SFXN1: variants seen among roughly 807,000 people sequenced by gnomAD.
The protein encoded by SFXN1 is sideroflexin 1.
A neutral mutation model predicts 39.5 loss-of-function variants in SFXN1; 32 were observed. The ratio of observed to expected loss-of-function variants is 0.81; its 90% CI spans 0.61 to 1.09. The LOEUF (loss-of-function observed/expected upper bound fraction) is 1.09, where lower values mean the gene tolerates loss of function less well. Among genes scored for constraint, SFXN1 ranks in the 50% least tolerant of loss-of-function variants. The pLI is 0.00. For synonymous variants in SFXN1, 136 were observed against 146.5 expected, an observed-to-expected ratio of 0.93 and a Z score of 0.52; for missense variants, 402 against 407.1, an observed-to-expected ratio of 0.99 and a Z score of 0.11.
In SFXN1 at chr5:175,513,669, C is replaced by T. The variant is rs187448702; in HGVS notation, c.724+79C>T. The T allele has an allele frequency of 4.0e-5, 58 of 1,458,406 alleles. No individual in the cohort carries two copies. In the East Asian group the frequency reaches 1.3e-3, roughly 32 times the overall value. 90.3% of individuals were successfully genotyped at this position (1,458,406 alleles called of 1,614,324 possible). ...GGATCCGTGAACCAGAAAACAAACA[C>T]ATATATCACACCTCTTAGTGGAAAT... On this transcript the variant is annotated intron_variant, in intron 7 of 10. Transcript: ENST00000321442.
intron 7 of SFXN1, chr5:175,513,829 G>A: frequency 2.6e-6 from 1 of 389,918 alleles, no homozygotes; most frequent in Non-Finnish European, 4.9e-6. Flanking sequence ...GGGTGGAGGT[G>A]TGGGAGTGAG....
At chr5:175,493,392 A>T (rs1759735896) in intron 2 of SFXN1, among the ~76,000 whole-genome samples, 2 of 152,234 alleles carry the variant, frequency 1.3e-5, no homozygotes, top group South Asian at 4.1e-4. Flanking sequence ...CTTTGTGCCT[A>T]AACATGCCCA....
intron 1 of SFXN1, among the ~76,000 whole-genome samples, chr5:175,484,618 C>T (rs1759381465): frequency 6.6e-6 from 1 of 152,256 alleles, no homozygotes; most frequent in South Asian, 2.1e-4. Flanking sequence ...CATCTCGCTC[C>T]CTGAATAGAC....
rs185289226 is a variant in SFXN1 at position 175,502,766 on chromosome 5, G to A, written c.165-6266G>A. ...TGAGGCAGGAGAATCGCTTGAACCC[G>A]GGAAGCAAAGGTTGCGATGAGCCAA... On this transcript the variant is annotated intron_variant, in intron 2 of 10. Coordinates refer to ENST00000321442, the MANE Select transcript of SFXN1 (RefSeq NM_022754.7). Among the ~76,000 whole-genome samples, 79 of 152,122 alleles carry A rather than the reference G, an allele frequency of 5.2e-4. 1 individual carries two copies. Among genetic ancestry groups the A allele is most frequent in the African/African-American group, 1.8e-3 (75 of 41,522 alleles).
In SFXN1 at chr5:175,499,680, T is replaced by C. The variant is rs114570869; in HGVS notation, c.164+7413T>C. 3.3e-3 allele frequency among the ~76,000 whole-genome samples: 508 copies of C among 152,308 alleles called. 2 individuals are homozygous for C. The highest frequency in any genetic ancestry group is 5.8e-3 in the Non-Finnish European group (394 of 68,022). On this transcript the variant is annotated intron_variant, in intron 2 of 10. Coordinates refer to ENST00000321442, the MANE Select transcript of SFXN1 (RefSeq NM_022754.7). ...AACTACAAAAACCCTACGACTAACA[T>C]CAAACCTAATGGTGAAAGTATGAAT...
At chr5:175,503,649 G>A (rs970826159) in intron 2 of SFXN1, among the ~76,000 whole-genome samples, 9 of 152,148 alleles carry the variant, frequency 5.9e-5, no homozygotes, top group African/African-American at 2.2e-4. Context: ...CACATCAGTA[G>A]TGAGCAATGC....
intron 2 of SFXN1, among the ~76,000 whole-genome samples, chr5:175,504,703 GT>G (rs1456659608): frequency 1.3e-5 from 2 of 151,992 alleles, no homozygotes; most frequent in Non-Finnish European, 2.9e-5. Context: ...ATTAGACATT[GT>G]TTTTTATTCA....
chr5:175,519,864 CTTTTTTTTTTTTTTT>C (rs369561037), intron 8 of SFXN1, among the ~76,000 whole-genome samples: 1 of 77,282 alleles, frequency 1.3e-5, no homozygotes, highest in Non-Finnish European at 2.4e-5. Flanking sequence ...GGGTTTTTTG[CTTTTTTTTTTTTTTT>C]TTTTTTTTTG....
intron 1 of SFXN1, among the ~76,000 whole-genome samples, chr5:175,487,840 A>C (rs1759506495): frequency 6.6e-6 from 1 of 152,006 alleles, no homozygotes. Flanking sequence ...CTCCACCTCC[A>C]GTTTTTCCAA....
At chr5:175,492,291 G>A (rs1469846140) in intron 2 of SFXN1, 24 bp downstream of exon 2, 2 of 1,576,270 alleles carry the variant, frequency 1.3e-6, no homozygotes, top group Non-Finnish European at 1.7e-6. Context: ...TTGTTTTTTG[G>A]TTTAATGTAT....
chr5:175,511,604 C>G, intron 5 of SFXN1, 78 bp downstream of exon 5: 1 of 1,135,512 alleles, frequency 8.8e-7, no homozygotes, highest in South Asian at 1.3e-5. Context: ...TCTATTATTT[C>G]TTAAACTAGT....
chr5:175,483,311 C>T (rs1759324686), intron 1 of SFXN1, among the ~76,000 whole-genome samples: 1 of 152,194 alleles, frequency 6.6e-6, no homozygotes, highest in African/African-American at 2.4e-5. Context: ...CATTTTTCTT[C>T]TTAGCATAAG....
intron 3 of SFXN1, 73 bp downstream of exon 3, chr5:175,509,275 AT>A: frequency 6.9e-7 from 1 of 1,450,146 alleles, no homozygotes; most frequent in South Asian, 1.4e-5. Flanking sequence ...TATGTAAATA[AT>A]TTTGTTGAAA....
At chr5:175,498,652 A>G (rs937049912) in intron 2 of SFXN1, among the ~76,000 whole-genome samples, 1 of 152,214 alleles carries the variant, frequency 6.6e-6, no homozygotes, top group African/African-American at 2.4e-5. Context: ...CTCAAAATAT[A>G]TAACAAAAGG....
In SFXN1 at chr5:175,515,267, C is replaced by T. The variant is rs748898949; in HGVS notation, c.725-1347C>T. Among the ~76,000 whole-genome samples, 4 of 152,240 alleles carry T rather than the reference C, an allele frequency of 2.6e-5. No homozygotes were observed. The South Asian group carries it at 6.2e-4, about 24-fold the overall frequency. ...CTGGGCTCAAATGATCCACCCACCC[C>T]GAATGCTAGGTATACAGTTGTGAAC... On this transcript the variant is annotated intron_variant, in intron 7 of 10. Transcript: ENST00000321442.
At chr5:175,485,199 T>C (rs17065092) in intron 1 of SFXN1, among the ~76,000 whole-genome samples, 10,012 of 152,324 alleles carry the variant, frequency 0.066, 451 homozygotes, top group Admixed American at 0.11. Context: ...GCCACTATAG[T>C]ACAACTTGAA....
intron 7 of SFXN1, 38 bp from the exon 8 acceptor site, chr5:175,516,576 T>C (rs1477521091): frequency 6.4e-7 from 1 of 1,565,134 alleles, no homozygotes; most frequent in Non-Finnish European, 8.7e-7. Flanking sequence ...AAAATTGGCA[T>C]TAAATAAAGA....
chr5:175,513,861 A>G, intron 7 of SFXN1: 1 of 294,448 alleles, frequency 3.4e-6, no homozygotes, highest in Non-Finnish European at 6.7e-6. Flanking sequence ...TCGGTGATGA[A>G]TATTCTGGCA....
intron 8 of SFXN1, among the ~76,000 whole-genome samples, chr5:175,517,629 G>A (rs1006766167): frequency 3.9e-5 from 6 of 152,144 alleles, no homozygotes; most frequent in African/African-American, 9.7e-5. Context: ...GTATATGTCG[G>A]TGTTGCATTT....
Sources: gnomAD v4.1 joint callset for allele counts (sites outside exome capture counted in the v4.1 genomes callset) on GRCh38, gnomAD v4.1.1 for gene constraint, MANE v1.5 for transcripts, NCBI Gene and HGNC (gene_info 2026-07-23, HGNC 2026-07-21) for gene names.